Variants in UGT1A10 observed in about 807,000 individuals in gnomAD.
The protein encoded by UGT1A10 is UDP-glucuronosyltransferase 1A10.
UGT1A10 carries 49 observed loss-of-function variants against 45.8 expected under a neutral mutation model. The observed-to-expected ratio is 1.07, with a 90% CI of 0.85 to 1.36. The LOEUF (loss-of-function observed/expected upper bound fraction) is 1.36. Ranked by LOEUF, UGT1A10 falls within the 40% of genes most tolerant of loss-of-function variation. The pLI is 0.00. For missense variants in UGT1A10, 745 were observed against 668.6 expected (o/e 1.11, Z -1.26); for synonymous variants, 284 against 249.7 (o/e 1.14, Z -1.29).
chr2:233,763,660 ACTC>A (rs2126005319), intron 1 of UGT1A10, among the ~76,000 whole-genome samples: 1 of 152,174 alleles, frequency 6.6e-6, no homozygotes, highest in South Asian at 2.1e-4. Context: ...TCTTGATAAA[ACTC>A]CTGAACTTTA....
chr2:233,751,852 T>C (rs1461134305), intron 1 of UGT1A10, among the ~76,000 whole-genome samples: 2 of 152,196 alleles, frequency 1.3e-5, no homozygotes, highest in East Asian at 1.9e-4. Context: ...TTTAAACCTT[T>C]GTCTTTTATA....
At chr2:233,748,126 T>C (rs1272435639) in intron 1 of UGT1A10, 15 of 1,610,568 alleles carry the variant, frequency 9.3e-6, no homozygotes, top group Non-Finnish European at 1.3e-5. Flanking sequence ...GCAAAACAGT[T>C]TTTAAAAATT....
At chr2:233,732,918 GA>G (rs2078336060) in intron 1 of UGT1A10, among the ~76,000 whole-genome samples, 1 of 151,996 alleles carries the variant, frequency 6.6e-6, no homozygotes, top group South Asian at 2.1e-4. Flanking sequence ...CCATTTTCAC[GA>G]TATTGATTCT....
intron 1 of UGT1A10, among the ~76,000 whole-genome samples, chr2:233,659,881 G>A (rs1186835526): frequency 6.6e-6 from 1 of 152,158 alleles, no homozygotes; most frequent in African/African-American, 2.4e-5. Context: ...TTCTGACACT[G>A]CTTCTTCTGT....
chr2:233,723,516 CTTTTTTTTT>C (rs1162916866), intron 1 of UGT1A10, among the ~76,000 whole-genome samples: 2 of 85,406 alleles, frequency 2.3e-5, no homozygotes, highest in East Asian at 3.2e-4. Context: ...GGTCAACAAT[CTTTTTTTTT>C]TTTTTTTTTT....
chr2:233,727,661 T>A (rs1292890743), intron 1 of UGT1A10, among the ~76,000 whole-genome samples: 1 of 152,208 alleles, frequency 6.6e-6, no homozygotes, highest in Non-Finnish European at 1.5e-5. Flanking sequence ...TAGTGCTCTA[T>A]GTCCTTACAA....
At chr2:233,672,280 A>G in intron 1 of UGT1A10, 4 of 1,613,878 alleles carry the variant, frequency 2.5e-6, no homozygotes, top group Non-Finnish European at 3.4e-6. Context: ...ATACAATGAC[A>G]TTTTTGACTT....
chr2:233,755,110 C>T, intron 1 of UGT1A10: 1 of 1,333,642 alleles, frequency 7.5e-7, no homozygotes, highest in Non-Finnish European at 1.0e-6. Flanking sequence ...GACAACACCT[C>T]GTAGGCCTCA....
Position 233,727,952 on chromosome 2 carries a change from C to T in UGT1A10, c.856-39082C>T, listed in dbSNP as rs370815367. On this transcript the variant is annotated intron_variant, in intron 1 of 4. Coordinates refer to ENST00000344644, the MANE Select transcript of UGT1A10 (RefSeq NM_019075.4). ...AAGTGCACACCCCAGACAGCCTGCC[C>T]ACATCATCCTGAGGTGACCAGGACA... 3.3e-5 allele frequency among the ~76,000 whole-genome samples: 5 copies of T among 152,204 alleles called. No homozygotes were observed. In the East Asian group the frequency reaches 7.7e-4, roughly 23 times the overall value.
intron 1 of UGT1A10, chr2:233,730,107 G>T: frequency 1.3e-6 from 2 of 1,570,872 alleles, no homozygotes; most frequent in Non-Finnish European, 1.7e-6. Flanking sequence ...TTTCATTTCT[G>T]CTTCTCCTTG....
chr2:233,657,024 C>T (rs2073870463), intron 1 of UGT1A10, among the ~76,000 whole-genome samples: 1 of 152,002 alleles, frequency 6.6e-6, no homozygotes, highest in Non-Finnish European at 1.5e-5. Context: ...TTTATGAAAT[C>T]CCTGGTGTCA....
At chr2:233,709,200 C>A (rs1423468626) in intron 1 of UGT1A10, among the ~76,000 whole-genome samples, 10 of 152,062 alleles carry the variant, frequency 6.6e-5, no homozygotes. Flanking sequence ...TGGATCCTCA[C>A]CAGAAGTACA....
intron 1 of UGT1A10, among the ~76,000 whole-genome samples, chr2:233,666,141 AGAG>A: frequency 6.6e-6 from 1 of 152,232 alleles, no homozygotes; most frequent in Non-Finnish European, 1.5e-5. Flanking sequence ...ACATGGCTAG[AGAG>A]AAGCAAGAGA....
chr2:233,690,844 T>G, intron 1 of UGT1A10: 1 of 1,068,762 alleles, frequency 9.4e-7, no homozygotes. Flanking sequence ...GAAAAATGTT[T>G]TCTAATACCT....
chr2:233,664,451 G>A (rs560422900), intron 1 of UGT1A10, among the ~76,000 whole-genome samples: 1 of 152,112 alleles, frequency 6.6e-6, no homozygotes, highest in Non-Finnish European at 1.5e-5. Flanking sequence ...CCTGAGACTG[G>A]GTAATTTATA....
At chr2:233,713,488 C>G (rs758374226) in intron 1 of UGT1A10, 1 of 1,613,948 alleles carries the variant, frequency 6.2e-7, no homozygotes, top group South Asian at 1.1e-5. Context: ...AAGTACCTGT[C>G]GATTCCTGCT....
intron 1 of UGT1A10, among the ~76,000 whole-genome samples, chr2:233,643,490 C>T (rs28969984): frequency 0.011 from 1,738 of 152,118 alleles, 44 homozygotes; most frequent in African/African-American, 0.039. Context: ...AAATGCTGTC[C>T]GAGTCAAGTC....
intron 1 of UGT1A10, among the ~76,000 whole-genome samples, chr2:233,686,098 G>C (rs1186571465): frequency 6.6e-6 from 1 of 152,126 alleles, no homozygotes; most frequent in African/African-American, 2.4e-5. Flanking sequence ...CCAAGTCCAA[G>C]AGAATGAAGT....
chr2:233,657,257 G>A (rs1022490229), intron 1 of UGT1A10, among the ~76,000 whole-genome samples: 1 of 152,112 alleles, frequency 6.6e-6, no homozygotes, highest in Non-Finnish European at 1.5e-5. Flanking sequence ...TGGCGGTTTA[G>A]TTTTTTTGTG....
Sources: allele counts gnomAD v4.1 joint callset (sites outside exome capture counted in the v4.1 genomes callset), GRCh38; gene constraint gnomAD v4.1.1; transcripts MANE v1.5; gene names NCBI Gene and HGNC (gene_info 2026-07-23, HGNC 2026-07-21).